The following MGAT4C variants were observed in gnomAD, a reference collection of about 807,000 sequenced individuals.
MGAT4C encodes the protein alpha-1,3-mannosyl-glycoprotein 4-beta-N-acetylglucosaminyltransferase C.
In MGAT4C, 19 loss-of-function variants were observed where a neutral mutation model predicts 40.1. That is an observed-to-expected ratio of 0.47 (90% confidence interval 0.33 to 0.70). The LOEUF is 0.70. Ranked by LOEUF, MGAT4C falls within the 30% of genes least tolerant of loss-of-function variation. The pLI is 0.02. For missense variants in MGAT4C, 491 were observed against 563.2 expected, an observed-to-expected ratio of 0.87 and a Z score of 1.30; for synonymous variants, 181 against 187.1, an observed-to-expected ratio of 0.97 and a Z score of 0.27.
At chr12:86,553,160 G>T (rs1959448800) in intron 2 of MGAT4C, among the ~76,000 whole-genome samples, 1 of 151,864 alleles carries the variant, frequency 6.6e-6, no homozygotes, top group South Asian at 2.1e-4. Flanking sequence ...TCTAATACAT[G>T]GCAATAAAGT....
chr12:86,678,135 A>G (rs943036880), intron 2 of MGAT4C, among the ~76,000 whole-genome samples: 3 of 152,130 alleles, frequency 2.0e-5, no homozygotes, highest in African/African-American at 7.2e-5. Context: ...GAGAATCTCA[A>G]ATATCCAGAG....
chr12:86,577,080 A>T lies in MGAT4C; in HGVS notation c.-228-141815T>A, dbSNP rs1418163458. Among the ~76,000 whole-genome samples, 3 of 151,696 alleles carry T rather than the reference A, an allele frequency of 2.0e-5. No homozygotes were observed. In the South Asian group the frequency reaches 6.2e-4, roughly 31 times the overall value. ...TTAATTTTATGTGTGACTATTGTGA[A>T]CAGGATTTCCTTTTTATTTCTTTTT... On this transcript the variant is annotated intron_variant, in intron 2 of 7. Transcript: ENST00000548651.
chr12:86,051,593 TG>T (rs1892896320), intron 1 of MGAT4C, among the ~76,000 whole-genome samples: 1 of 151,800 alleles, frequency 6.6e-6, no homozygotes, highest in African/African-American at 2.4e-5. Context: ...ATATTATTTT[TG>T]TAAATATTTT....
At chr12:86,288,697 A>G (rs894673434) in intron 4 of MGAT4C, among the ~76,000 whole-genome samples, 14 of 151,808 alleles carry the variant, frequency 9.2e-5, no homozygotes, top group Non-Finnish European at 1.3e-4. Flanking sequence ...ATATTTGTTG[A>G]CCACATGTAA....
At chr12:86,517,883 C>A (rs950060319) in intron 2 of MGAT4C, among the ~76,000 whole-genome samples, 2 of 152,082 alleles carry the variant, frequency 1.3e-5, no homozygotes, top group African/African-American at 4.8e-5. Flanking sequence ...CTCCTGACCT[C>A]GTGATCTGCC....
In MGAT4C at chr12:86,447,345, G is replaced by A. The variant is rs577598125; in HGVS notation, c.-228-12080C>T. Among the ~76,000 whole-genome samples the A allele has an allele frequency of 1.9e-4, 29 of 152,148 alleles. No individual in the cohort carries two copies. The South Asian group carries it at 5.4e-3, about 28-fold the overall frequency. On this transcript the variant is annotated intron_variant, in intron 2 of 7. Transcript: ENST00000548651. ...TCTCCATGCTGGTTAGGCTGGTCTC[G>A]AACTACTGACCTCAGGTGAACCACC... is the stretch of plus-strand genomic sequence containing the variant.
chr12:86,374,673 G>A (rs1955791168), intron 3 of MGAT4C, among the ~76,000 whole-genome samples: 2 of 152,076 alleles, frequency 1.3e-5, no homozygotes, highest in African/African-American at 2.4e-5. Context: ...AGGCATTTCT[G>A]GATCCACAGC....
chr12:86,833,678 C>T (rs1002740830), intron 1 of MGAT4C, among the ~76,000 whole-genome samples: 4 of 151,932 alleles, frequency 2.6e-5, no homozygotes, highest in African/African-American at 9.7e-5. Flanking sequence ...TAGTCACATT[C>T]TGAGATATTG....
At chr12:86,728,668 G>A (rs770360018) in intron 1 of MGAT4C, among the ~76,000 whole-genome samples, 1 of 152,282 alleles carries the variant, frequency 6.6e-6, no homozygotes, top group Non-Finnish European at 1.5e-5. Context: ...TCCAGCCTGG[G>A]TGACAGAGTG....
chr12:86,635,446 G>A (rs1258469272), intron 2 of MGAT4C, among the ~76,000 whole-genome samples: 1 of 152,032 alleles, frequency 6.6e-6, no homozygotes, highest in Non-Finnish European at 1.5e-5. Flanking sequence ...ACCATTATTA[G>A]CAGATATTAA....
At position 86,531,114 on chromosome 12, in the gene MGAT4C, C is replaced by T. The variant is rs116879718; in HGVS notation, c.-228-95849G>A. 3.3e-5 allele frequency among the ~76,000 whole-genome samples: 5 copies of T among 152,124 alleles called. No homozygotes were observed. In the East Asian group the frequency reaches 9.7e-4, roughly 29 times the overall value. ...AGATAAAATAGTAGAGCATTGACAACAAATTTTATCTTTGTACCATAACAA... is the reference window on the plus strand; with the variant it reads ...AGATAAAATAGTAGAGCATTGACAATAAATTTTATCTTTGTACCATAACAA... On this transcript the variant is annotated intron_variant, in intron 2 of 7. Coordinates refer to the MGAT4C transcript ENST00000548651.
At chr12:86,685,068 T>A (rs561848238) in intron 2 of MGAT4C, among the ~76,000 whole-genome samples, 1 of 152,308 alleles carries the variant, frequency 6.6e-6, no homozygotes, top group Non-Finnish European at 1.5e-5. Context: ...TTTCGGCTTT[T>A]GTTGCAATTG....
At chr12:86,490,691 G>A (rs368787800) in intron 2 of MGAT4C, among the ~76,000 whole-genome samples, 1 of 151,974 alleles carries the variant, frequency 6.6e-6, no homozygotes, top group African/African-American at 2.4e-5. Flanking sequence ...GACACACATA[G>A]GCTCAAAATA....
intron 2 of MGAT4C, among the ~76,000 whole-genome samples, chr12:86,509,928 C>A (rs1958542926): frequency 1.3e-5 from 2 of 152,228 alleles, no homozygotes; most frequent in South Asian, 4.1e-4. Context: ...TGAGACTTTG[C>A]TGAAGTTGCT....
chr12:86,479,663 A>G (rs1957901532), intron 2 of MGAT4C, among the ~76,000 whole-genome samples: 1 of 151,964 alleles, frequency 6.6e-6, no homozygotes, highest in African/African-American at 2.4e-5. Flanking sequence ...AAAAATGTCT[A>G]TAACAACTGT....
Position 85,972,418 on chromosome 12 carries a change from T to C in MGAT4C, c.*6871A>G, listed in dbSNP as rs1031293966. 36 of 151,036 alleles carry C rather than the reference T, an allele frequency of 2.4e-4. No homozygotes were observed. The highest frequency in any genetic ancestry group is 8.7e-4 in the African/African-American group (36 of 41,322). The allele number at this position is 151,036 out of a possible 1,614,324, so 9.4% of individuals were successfully genotyped here. On this transcript the variant is annotated 3_prime_UTR_variant, in exon 5 of 5. Coordinates refer to ENST00000611864, the MANE Select transcript of MGAT4C (RefSeq NM_001351288.2). Reference sequence around the variant, plus strand: ...CAGATATCAAATGCCCTTTTGAAAATTGAGACTGATTTCTAAAACAAAAAA... The same window carrying C: ...CAGATATCAAATGCCCTTTTGAAAACTGAGACTGATTTCTAAAACAAAAAA...
In MGAT4C at chr12:85,965,580, G is replaced by C. The variant is rs1056848849; in HGVS notation, c.*13709C>G. The stretch of plus-strand genomic sequence containing the variant: ...CCACTGCAGTCCGGCCTGGGCAAAA[G>C]AGTGAGACTCTGTCTCAAAAAAAAA... On this transcript the variant is annotated 3_prime_UTR_variant, in exon 5 of 5. Coordinates refer to ENST00000611864, the MANE Select transcript of MGAT4C (RefSeq NM_001351288.2). 1 of 115,954 alleles carries C rather than the reference G, an allele frequency of 8.6e-6. No homozygotes were observed. Among genetic ancestry groups the C allele is most frequent in the Non-Finnish European group, 1.7e-5 (1 of 60,510 alleles). 7.2% of individuals were successfully genotyped at this position (115,954 alleles called of 1,614,324 possible). A position where few individuals can be genotyped will look rare whatever the true frequency, so the allele number is the denominator to read the frequency against.
chr12:86,793,322 A>T (rs1003830640), intron 1 of MGAT4C, among the ~76,000 whole-genome samples: 2 of 152,102 alleles, frequency 1.3e-5, no homozygotes, highest in Non-Finnish European at 2.9e-5. Flanking sequence ...AATCTTCAGT[A>T]ACCAAGTGTA....
At chr12:86,138,232 C>G (rs1205550396) in intron 1 of MGAT4C, among the ~76,000 whole-genome samples, 1 of 151,836 alleles carries the variant, frequency 6.6e-6, no homozygotes, top group African/African-American at 2.4e-5. Context: ...AGCACTCAAA[C>G]TCAGACTCAT....
Sources: gnomAD v4.1 joint callset for allele counts (sites outside exome capture counted in the v4.1 genomes callset) on GRCh38, gnomAD v4.1.1 for gene constraint, MANE v1.5 for transcripts, NCBI Gene and HGNC (gene_info 2026-07-23, HGNC 2026-07-21) for gene names.